The following TMEM181 variants were observed in gnomAD, a reference collection of about 807,000 sequenced individuals.
TMEM181 encodes the protein transmembrane protein 181.
TMEM181 carries 39 observed loss-of-function variants against 71.9 expected under a neutral mutation model. That is an observed-to-expected ratio of 0.54 (90% CI 0.42 to 0.71). The LOEUF (loss-of-function observed/expected upper bound fraction) is 0.71, where lower values mean the gene tolerates loss of function less well. Among genes scored for constraint, TMEM181 ranks in the 30% least tolerant of loss-of-function variants. The pLI is 0.00. For missense variants in TMEM181, 595 were observed against 583.0 expected (o/e 1.02, Z -0.21); for synonymous variants, 245 against 228.8 (o/e 1.07, Z -0.64).
Position 158,594,459 on chromosome 6 carries a change from G to A in TMEM181, c.492+4677G>A, listed in dbSNP as rs1329976245. On this transcript the variant is annotated intron_variant, in intron 6 of 16. Transcript: ENST00000684151. ...AATCATATAGTATGTAATTTTTTCA[G>A]ATTGACTTATTTCACTAAGTTATAT... 2.0e-5 allele frequency among the ~76,000 whole-genome samples: 3 copies of A among 152,088 alleles called. No individual in the cohort carries two copies. The East Asian group carries it at 5.8e-4, about 29-fold the overall frequency.
chr6:158,634,725 G>C lies in TMEM181; in HGVS notation c.*2837G>C, dbSNP rs1033372628. Reference sequence around the variant, plus strand: ...TTGTTAATGTACATAATTGCAGATTGCAATAAAAGCTTAGATACATTTTGT... The same window carrying C: ...TTGTTAATGTACATAATTGCAGATTCCAATAAAAGCTTAGATACATTTTGT... On this transcript the variant is annotated 3_prime_UTR_variant, in exon 17 of 17. Coordinates refer to ENST00000684151, the MANE Select transcript of TMEM181 (RefSeq NM_001376852.1). The C allele has an allele frequency of 7.2e-5, 11 of 152,152 alleles. No homozygotes were observed. Among genetic ancestry groups the C allele is most frequent in the Non-Finnish European group, 1.6e-4 (11 of 68,034 alleles). 9.4% of individuals were successfully genotyped at this position (152,152 alleles called of 1,614,324 possible).
At chr6:158,574,411 A>G (rs920964059) in intron 2 of TMEM181, among the ~76,000 whole-genome samples, 8 of 152,190 alleles carry the variant, frequency 5.3e-5, no homozygotes, top group Admixed American at 1.3e-4. Context: ...AATTACATTA[A>G]TTACAGCACA....
chr6:158,627,337 A>G (rs905903338), intron 13 of TMEM181, among the ~76,000 whole-genome samples: 19 of 152,182 alleles, frequency 1.2e-4, no homozygotes, highest in African/African-American at 4.6e-4. Context: ...CATTTATCCT[A>G]CAAATAGTTA....
chr6:158,548,815 G>A (rs767087218), intron 1 of TMEM181, among the ~76,000 whole-genome samples: 3 of 152,198 alleles, frequency 2.0e-5, no homozygotes, highest in Non-Finnish European at 4.4e-5. Flanking sequence ...ATGGAGAGGC[G>A]CTGCTCAAAC....
intron 1 of TMEM181, among the ~76,000 whole-genome samples, chr6:158,543,824 C>T (rs1781434906): frequency 6.6e-6 from 1 of 152,164 alleles, no homozygotes; most frequent in African/African-American, 2.4e-5. Context: ...TTTTTGGGGA[C>T]ACAAGCCACA....
intron 1 of TMEM181, among the ~76,000 whole-genome samples, chr6:158,569,537 T>C (rs912187909): frequency 6.6e-6 from 1 of 152,106 alleles, no homozygotes; most frequent in African/African-American, 2.4e-5. Flanking sequence ...TGGATTTTAT[T>C]GAGCCTTCTG....
Position 158,540,971 on chromosome 6 carries a change from T to C in TMEM181, c.131+4106T>C, listed in dbSNP as rs144190110. Among the ~76,000 whole-genome samples the C allele has an allele frequency of 8.1e-4, 124 of 152,352 alleles. 1 individual carries two copies. The highest frequency in any genetic ancestry group is 3.4e-3 in the Middle Eastern group (1 of 294). ...TTTTCGTAGAGACGAGGTCTCACTA[T>C]GTTGCCCAGGCTGGTTTTGAACTTC... On this transcript the variant is annotated intron_variant, in intron 1 of 16. Coordinates refer to the TMEM181 transcript ENST00000367090.
chr6:158,605,131 A>ATGT (rs757927135), intron 6 of TMEM181, 136 bp from the exon 7 acceptor site: 1 of 159,682 alleles, frequency 6.3e-6, no homozygotes, highest in Non-Finnish European at 1.2e-5. Context: ...AAAAAAAAAA[A>ATGT]GTGTGTGTGT....
chr6:158,619,313 G>A (rs1361364359), intron 10 of TMEM181, among the ~76,000 whole-genome samples: 2 of 152,134 alleles, frequency 1.3e-5, no homozygotes, highest in African/African-American at 4.8e-5. Context: ...CATGCGTCAC[G>A]TAGTTCTTAT....
chr6:158,547,527 G>C (rs999330186), intron 1 of TMEM181, among the ~76,000 whole-genome samples: 1 of 152,204 alleles, frequency 6.6e-6, no homozygotes, highest in African/African-American at 2.4e-5. Flanking sequence ...TTCAGCAGGA[G>C]GAAAGTGCCA....
At chr6:158,598,447 C>T (rs938289304) in intron 6 of TMEM181, among the ~76,000 whole-genome samples, 3 of 152,006 alleles carry the variant, frequency 2.0e-5, no homozygotes, top group African/African-American at 7.2e-5. Flanking sequence ...TGAGGCTGCC[C>T]TGCAGTTTCC....
intron 3 of TMEM181, among the ~76,000 whole-genome samples, chr6:158,583,633 T>C (rs950863024): frequency 1.3e-5 from 2 of 152,122 alleles, no homozygotes; most frequent in South Asian, 2.1e-4. Context: ...ACTCCGTCTG[T>C]ACTAGAAATA....
upstream of TMEM181, among the ~76,000 whole-genome samples, chr6:158,558,855 C>G (rs1290982642): frequency 6.6e-6 from 1 of 152,188 alleles, no homozygotes; most frequent in African/African-American, 2.4e-5. Flanking sequence ...GCTCATAGAA[C>G]TCCCTCCGAC....
At chr6:158,611,576 A>G (rs1785314066) in intron 10 of TMEM181, 1 of 389,878 alleles carries the variant, frequency 2.6e-6, no homozygotes, top group Admixed American at 3.5e-5. Context: ...CCTTTTCTAG[A>G]GAAGCTATTT....
At chr6:158,570,798 T>C (rs1782763034) in intron 1 of TMEM181, among the ~76,000 whole-genome samples, 1 of 152,126 alleles carries the variant, frequency 6.6e-6, no homozygotes, top group Non-Finnish European at 1.5e-5. Context: ...ACTAAAGGCT[T>C]TATTTGCATT....
rs1782070272 is a variant in TMEM181, at chr6:158,560,131, CGG to C, written c.-93_-92del. 1 of 984,760 alleles carries C rather than the reference CGG, an allele frequency of 1.0e-6. No individual in the cohort carries two copies. Among genetic ancestry groups the C allele is most frequent in the Admixed American group, 6.2e-5 (1 of 16,212 alleles). 61.0% of individuals were successfully genotyped at this position (984,760 alleles called of 1,614,324 possible). On this transcript the variant is annotated 5_prime_UTR_variant, in exon 1 of 17. Coordinates refer to ENST00000684151, the MANE Select transcript of TMEM181 (RefSeq NM_001376852.1). ...GGCCGCTGCTCAGCCGCTGTCGCTC[CGG>C]CTCCGGCTGCGGCTGCCGCTGCCGA...
intron 1 of TMEM181, among the ~76,000 whole-genome samples, chr6:158,542,171 T>G (rs1411966261): frequency 6.6e-6 from 1 of 152,126 alleles, no homozygotes; most frequent in Non-Finnish European, 1.5e-5. Flanking sequence ...CCTCCCAAAT[T>G]GCAGGGATTA....
At chr6:158,592,134 C>T (rs952495195) in intron 6 of TMEM181, among the ~76,000 whole-genome samples, 42 of 152,178 alleles carry the variant, frequency 2.8e-4, no homozygotes, top group Middle Eastern at 3.2e-3. Context: ...GATTTTTCTG[C>T]GTTTTTTGTA....
chr6:158,627,610 G>GTGGGC (rs373018184), intron 13 of TMEM181, among the ~76,000 whole-genome samples: 45,890 of 152,062 alleles, frequency 0.3, 7,357 homozygotes, highest in East Asian at 0.65. Flanking sequence ...GCAGAACAGG[G>GTGGGC]CACCGGCAGC....
Sources: gnomAD v4.1 joint callset for allele counts (sites outside exome capture counted in the v4.1 genomes callset) on GRCh38, gnomAD v4.1.1 for gene constraint, MANE v1.5 for transcripts, NCBI Gene and HGNC (gene_info 2026-07-23, HGNC 2026-07-21) for gene names.